ESYT3: variants seen among roughly 807,000 people sequenced by gnomAD.
The protein encoded by ESYT3 is extended synaptotagmin 3.
A neutral mutation model predicts 111.5 loss-of-function variants in ESYT3; 101 were observed. The observed-to-expected ratio is 0.91, with a 90% confidence interval of 0.77 to 1.07. ESYT3 has a LOEUF of 1.07. Among genes scored for constraint, ESYT3 ranks in the 50% least tolerant of loss-of-function variants. The probability of loss-of-function intolerance (pLI) is 0.00; values close to 1 mark genes in which losing one functional copy is unlikely to be tolerated. For missense variants in ESYT3, 1,097 were observed against 1,109.4 expected (o/e 0.99, Z 0.16); for synonymous variants, 416 against 446.8 (o/e 0.93, Z 0.87).
At chr3:138,452,027 C>T in intron 1 of ESYT3, 21 bp from the exon 2 acceptor site, 2 of 1,613,592 alleles carry the variant, frequency 1.2e-6, no homozygotes, top group South Asian at 1.1e-5. Context: ...GTCTAACTTC[C>T]CCTCGGGGCT....
At chr3:138,467,465 T>G in intron 10 of ESYT3, 96 bp from the exon 11 acceptor site, 1 of 1,246,310 alleles carries the variant, frequency 8.0e-7, no homozygotes, top group Admixed American at 1.7e-5. Context: ...ATGGCCGCAC[T>G]CAGATATCTG....
At chr3:138,480,803 A>T (rs1055871803), downstream of ESYT3, 5 of 152,206 alleles carry the variant, frequency 3.3e-5, no homozygotes, top group African/African-American at 1.2e-4. Context: ...ATGTACATGG[A>T]ACTACAAAAG....
intron 21 of ESYT3, 36 bp downstream of exon 21, chr3:138,476,364 T>G: frequency 1.9e-6 from 3 of 1,599,478 alleles, no homozygotes; most frequent in Non-Finnish European, 2.6e-6. Context: ...CCAAGGAGAT[T>G]ATGATCAATT....
At chr3:138,454,121 G>C (rs1271488576) in intron 2 of ESYT3, among the ~76,000 whole-genome samples, 2 of 152,230 alleles carry the variant, frequency 1.3e-5, no homozygotes, top group Non-Finnish European at 2.9e-5. Flanking sequence ...GGTGGTGCAC[G>C]CATGTAGTCC....
intron 1 of ESYT3, among the ~76,000 whole-genome samples, chr3:138,442,303 T>A (rs562280833): frequency 2.0e-5 from 3 of 152,198 alleles, no homozygotes; most frequent in African/African-American, 4.8e-5. Context: ...ACTTTTTTCT[T>A]TTCTGATTTT....
chr3:138,472,811 C>A lies in ESYT3; in HGVS notation c.2189C>A (p.Ser730Tyr). The A allele has an allele frequency of 6.2e-7, 1 of 1,614,258 alleles. No homozygotes were observed. Among genetic ancestry groups the A allele is most frequent in the Non-Finnish European group, 8.5e-7 (1 of 1,180,046 alleles). ...RLAPSMSSLNSLASSCFDLAD... is the reference protein window; with the variant it reads ...RLAPSMSSLNYLASSCFDLAD... ...GCTCCCAGCATGTCCTCGCTCAACTCCTTGGCCTCTTCTTGCTTTGACCTG... is the reference window on the plus strand; with the variant it reads ...GCTCCCAGCATGTCCTCGCTCAACTACTTGGCCTCTTCTTGCTTTGACCTG... The change falls in exon 18 of 23, where the codon TCC becomes TAC. Residue 730 changes from serine to tyrosine, a missense_variant. Physicochemically the swap from Ser to Tyr is moderately radical, Grantham distance 144. Transcript: ENST00000389567.
At chr3:138,457,671 C>T in intron 4 of ESYT3, 27 bp downstream of exon 4, 1 of 1,609,114 alleles carries the variant, frequency 6.2e-7, no homozygotes, top group Non-Finnish European at 8.5e-7. Flanking sequence ...TGGGTATGGG[C>T]TTCGGGGTGC....
chr3:138,468,582 G>C (rs2033053817), intron 12 of ESYT3, 73 bp from the exon 13 acceptor site: 2 of 1,511,898 alleles, frequency 1.3e-6, no homozygotes, highest in Non-Finnish European at 1.8e-6. Context: ...TCTGCCATGA[G>C]TAGGCTTCTC....
rs1260596323 is a variant in ESYT3, at chr3:138,467,588, G to T, written c.1197G>T (p.Met399Ile). 1 of 1,614,156 alleles carries T rather than the reference G, an allele frequency of 6.2e-7. No individual in the cohort carries two copies. Among genetic ancestry groups the T allele is most frequent in the East Asian group, 2.2e-5 (1 of 44,880 alleles). ...GSLQICLGDV[M>I]TNRVVDEWFV... Reference sequence around the variant, plus strand: ...TGCAGATCTGCCTTGGAGATGTCATGACCAACAGAGTGGTGGATGAGGTAC... The same window carrying T: ...TGCAGATCTGCCTTGGAGATGTCATTACCAACAGAGTGGTGGATGAGGTAC... The change falls in exon 11 of 23, where the codon ATG (methionine) becomes ATT (isoleucine). Residue 399 changes from methionine (M) to isoleucine (I), a missense_variant. Physicochemically the swap from Met to Ile is conservative, Grantham distance 10. Transcript: ENST00000389567.
chr3:138,437,457 G>A (rs975838616), intron 1 of ESYT3, among the ~76,000 whole-genome samples: 1 of 152,212 alleles, frequency 6.6e-6, no homozygotes, highest in Admixed American at 6.5e-5. Context: ...GCGGCACAGG[G>A]CATTCTGGCC....
rs200379323 is a variant in ESYT3, at chr3:138,460,034, G to A, written c.738G>A (p.Pro246=). The A allele has an allele frequency of 1.2e-5, 19 of 1,613,932 alleles. No homozygotes were observed. Among genetic ancestry groups the A allele is most frequent in the Middle Eastern group, 1.7e-4 (1 of 6,060 alleles). The change falls in exon 6 of 23, where the codon CCG becomes CCA. Residue 246 remains proline, a splice_region_variant and synonymous_variant. Transcript: ENST00000389567. ...TGACTGTGTTCTTCCTTCAGAAGCC[G>A]GTGAGTCCCAAGGACTGCGGTAAGC... ...GAVTVFFLQK[P]HLQINWTGLT... is the part of the protein sequence containing the mutation.
chr3:138,438,955 C>T (rs138772296), intron 1 of ESYT3, among the ~76,000 whole-genome samples: 7 of 152,332 alleles, frequency 4.6e-5, no homozygotes, highest in Non-Finnish European at 8.8e-5. Context: ...TGTTTACATG[C>T]GGATGCTCCT....
rs2032378372 is a variant in ESYT3 at position 138,457,705 on chromosome 3, G to A, written c.581+61G>A. 5 of 1,478,852 alleles carry A rather than the reference G, an allele frequency of 3.4e-6. No homozygotes were observed. The Admixed American group carries it at 8.4e-5, about 25-fold the overall frequency. The allele number at this position is 1,478,852 out of a possible 1,614,324, so 91.6% of individuals were successfully genotyped here. On this transcript the variant is annotated intron_variant, in intron 4 of 22. Coordinates refer to ENST00000389567, the MANE Select transcript of ESYT3 (RefSeq NM_031913.5). The stretch of plus-strand genomic sequence containing the variant: ...GCAGGGGACACAGTGGGAACAGCCA[G>A]TTTGAAGATGGAGTAGTATATATAT...
intron 1 of ESYT3, among the ~76,000 whole-genome samples, chr3:138,439,359 C>T (rs564716353): frequency 2.6e-5 from 4 of 152,198 alleles, no homozygotes; most frequent in Admixed American, 1.3e-4. Context: ...TCTGTGGAAC[C>T]CCCTGCACCC....
chr3:138,460,748 A>G (rs2032586772), intron 7 of ESYT3, 82 bp downstream of exon 7: 2 of 1,417,568 alleles, frequency 1.4e-6, no homozygotes, highest in African/African-American at 1.4e-5. Flanking sequence ...GAGCTGTGCA[A>G]TGGTGGTGCT....
At chr3:138,469,097 A>C in intron 14 of ESYT3, 1 of 612,578 alleles carries the variant, frequency 1.6e-6, no homozygotes, top group Non-Finnish European at 2.9e-6. Context: ...TGACTGTGTC[A>C]TTCATTTTTA....
chr3:138,470,069 C>G lies in ESYT3; in HGVS notation c.1513C>G (p.His505Asp). The change falls in exon 16 of 23, where the codon CAC becomes GAC. Residue 505 changes from histidine (H) to aspartate (D), a missense_variant. Physicochemically the swap from His to Asp is moderately conservative, Grantham distance 81 (BLOSUM62 -1). Transcript: ENST00000389567. ...KKTHTSKTCP[H>D]NKDPVWSQVF... The stretch of plus-strand genomic sequence containing the variant: ...CCTCTTCTGTTCCCAGACCTGTCCC[C>G]ACAACAAGGACCCTGTGTGGAGCCA... 6.2e-7 allele frequency: 1 copy of G among 1,612,598 alleles called. No homozygotes were observed.
intron 1 of ESYT3, among the ~76,000 whole-genome samples, chr3:138,446,718 C>T (rs2031566215): frequency 6.6e-6 from 1 of 152,020 alleles, no homozygotes; most frequent in Admixed American, 6.6e-5. Context: ...TGCAAAGCCC[C>T]ATCTCTACAA....
chr3:138,438,047 T>C (rs2030854589), intron 1 of ESYT3, among the ~76,000 whole-genome samples: 1 of 152,094 alleles, frequency 6.6e-6, no homozygotes, highest in Admixed American at 6.5e-5. Flanking sequence ...TCTGCCTCTT[T>C]AGGAACACAA....
Sources: allele counts gnomAD v4.1 joint callset (sites outside exome capture counted in the v4.1 genomes callset), GRCh38; gene constraint gnomAD v4.1.1; transcripts MANE v1.5; gene names NCBI Gene and HGNC (gene_info 2026-07-23, HGNC 2026-07-21).